SPTLC1: variants seen among roughly 807,000 people sequenced by gnomAD.
SPTLC1 encodes the protein serine palmitoyltransferase long chain base subunit 1.
Under a neutral mutation model 68.9 loss-of-function variants are expected in SPTLC1, and 55 were observed. The ratio of observed to expected loss-of-function variants is 0.80; its 90% CI spans 0.64 to 1.00. SPTLC1 has a LOEUF of 1.00. Among genes scored for constraint, SPTLC1 ranks in the 50% least tolerant of loss-of-function variants. SPTLC1 has a pLI of 0.00. For synonymous variants in SPTLC1, 197 were observed against 201.6 expected (o/e 0.98, Z 0.19); for missense variants, 449 against 573.1 (o/e 0.78, Z 2.21).
At position 92,045,950 on chromosome 9, in the gene SPTLC1, A is replaced by T. The variant is rs375552988; in HGVS notation, c.1136+49T>A. The T allele has an allele frequency of 3.3e-6, 5 of 1,521,546 alleles. No individual in the cohort carries two copies. In the African/African-American group the frequency reaches 4.1e-5, roughly 13 times the overall value. 94.3% of individuals were successfully genotyped at this position (1,521,546 alleles called of 1,614,324 possible). On this transcript the variant is annotated intron_variant, in intron 12 of 14. Transcript: ENST00000262554. ...ATTTAAAACTTTCCATTAGTTGTTA[A>T]GTGTGGTGCAGATAAACTTTATGTT... is the stretch of plus-strand genomic sequence containing the variant.
At chr9:92,103,573 G>A (rs1366174953) in intron 3 of SPTLC1, among the ~76,000 whole-genome samples, 3 of 152,212 alleles carry the variant, frequency 2.0e-5, no homozygotes, top group Non-Finnish European at 4.4e-5. Context: ...TGTAAAAAGC[G>A]GAGACCCTGC....
At chr9:92,034,713 G>T in intron 14 of SPTLC1, 97 bp downstream of exon 14, 1 of 922,854 alleles carries the variant, frequency 1.1e-6, no homozygotes, top group Non-Finnish European at 1.8e-6. Flanking sequence ...TTCTTCCATA[G>T]CCTATGATAG....
Position 92,047,294 on chromosome 9 carries a change from T to C in SPTLC1, c.985-26A>G, listed in dbSNP as rs370711768. On this transcript the variant is annotated intron_variant, in intron 10 of 14. Coordinates refer to ENST00000262554, the MANE Select transcript of SPTLC1 (RefSeq NM_006415.4). ...CTGAGAAGAAACAAATGAAGACATA[T>C]ACACATTCTCTGTCCTTTCTAGGTA... The C allele has an allele frequency of 1.7e-5, 27 of 1,581,006 alleles. No homozygotes were observed. The African/African-American group carries it at 3.7e-4, about 22-fold the overall frequency.
intron 3 of SPTLC1, chr9:92,105,231 G>A: frequency 6.5e-7 from 1 of 1,534,330 alleles, no homozygotes; most frequent in Non-Finnish European, 8.7e-7. Context: ...CAACTGAGGT[G>A]GGAGAGAGAT....
intron 3 of SPTLC1, among the ~76,000 whole-genome samples, chr9:92,084,299 A>AG (rs1351469775): frequency 1.3e-5 from 2 of 151,036 alleles, no homozygotes; most frequent in Non-Finnish European, 3.0e-5. Flanking sequence ...GTGGTGAGAG[A>AG]GGGCATCCCT....
At chr9:92,034,210 C>G (rs775202339) in intron 14 of SPTLC1, among the ~76,000 whole-genome samples, 7 of 152,254 alleles carry the variant, frequency 4.6e-5, no homozygotes, top group Non-Finnish European at 4.4e-5. Flanking sequence ...TGACCATGTC[C>G]ATGCCCCCTG....
chr9:92,105,931 T>C (rs1835959746), intron 3 of SPTLC1, among the ~76,000 whole-genome samples: 1 of 149,440 alleles, frequency 6.7e-6, no homozygotes, highest in African/African-American at 2.5e-5. Context: ...CTCCTCACCA[T>C]CTGGGAAATG....
At position 92,038,277 on chromosome 9, in the gene SPTLC1, C is replaced by T. The variant is rs1833213865; in HGVS notation, c.1225G>A (p.Val409Ile). 6.2e-7 allele frequency: 1 copy of T among 1,614,078 alleles called. No homozygotes were observed. The highest frequency in any genetic ancestry group is 8.5e-7 in the Non-Finnish European group (1 of 1,179,902). ...TCTACAATTTCCTGAAGCAGTCTGA[C>T]ATCTTGCTCGCGAGACCCAGTGCTC... ...EESTGSREQD[V>I]RLLQEIVDQC... The change falls in exon 13 of 15, where the codon GTC (valine) becomes ATC (isoleucine). Residue 409 changes from valine to isoleucine, a missense_variant. Physicochemically the swap from Val to Ile is conservative, Grantham distance 29. This residue lies in a region of SPTLC1 where 391 missense variants were observed against 472.1 expected (regional missense o/e 0.83). Transcript: ENST00000262554.
At chr9:92,038,153 CAA>C (rs1564080812) in intron 13 of SPTLC1, 93 bp downstream of exon 13, 7 of 864,510 alleles carry the variant, frequency 8.1e-6, no homozygotes, top group Non-Finnish European at 1.2e-5. Flanking sequence ...TCTCTCAGGG[CAA>C]AGAGACTTTT....
At chr9:92,108,712 A>G (rs1836101608) in intron 3 of SPTLC1, 28 bp downstream of exon 3, 1 of 1,579,174 alleles carries the variant, frequency 6.3e-7, no homozygotes, top group African/African-American at 1.4e-5. Context: ...GCCAAATACA[A>G]GTACTTCAGG....
At chr9:92,059,814 G>A (rs1362483681) in intron 6 of SPTLC1, among the ~76,000 whole-genome samples, 2 of 152,194 alleles carry the variant, frequency 1.3e-5, no homozygotes, top group African/African-American at 4.8e-5. Context: ...AGCAAAGGCT[G>A]AGAAGGGAAC....
At chr9:92,107,525 G>A (rs191957838) in intron 3 of SPTLC1, among the ~76,000 whole-genome samples, 278 of 152,320 alleles carry the variant, frequency 1.8e-3, no homozygotes, top group East Asian at 7.1e-3. Context: ...GGCCGAGGCC[G>A]GCGGATCACA....
intron 7 of SPTLC1, among the ~76,000 whole-genome samples, chr9:92,056,032 C>T (rs1833878039): frequency 6.6e-6 from 1 of 152,186 alleles, no homozygotes; most frequent in East Asian, 1.9e-4. Flanking sequence ...CAGGGGGCTT[C>T]ACTATACCAC....
chr9:92,049,971 A>C lies in SPTLC1; in HGVS notation c.877T>G (p.Tyr293Asp). ...AAAGGGGAACTTACATTGATTCCAT[A>C]GTGTTCAGTGACTCCTCGGCCATGC... ...GEHGRGVTEH[Y>D]GINIDDIDLI... is the part of the protein sequence containing the mutation. The change falls in exon 9 of 15, where the codon TAT becomes GAT. Residue 293 changes from tyrosine to aspartate, a missense_variant. This residue lies in a region of SPTLC1 where 391 missense variants were observed against 472.1 expected (regional missense o/e 0.83). Transcript: ENST00000262554. The C allele has an allele frequency of 6.2e-7, 1 of 1,607,238 alleles. No individual in the cohort carries two copies. Among genetic ancestry groups the C allele is most frequent in the Non-Finnish European group, 8.5e-7 (1 of 1,173,734 alleles).
In SPTLC1 at chr9:92,084,934, A is replaced by G. The variant is rs1361615271; in HGVS notation, c.261-3971T>C. Among the ~76,000 whole-genome samples the G allele has an allele frequency of 2.0e-5, 3 of 152,228 alleles. No homozygotes were observed. The East Asian group carries it at 5.8e-4, about 29-fold the overall frequency. On this transcript the variant is annotated intron_variant, in intron 3 of 14. Transcript: ENST00000262554. ...CAATTTCAGAGCTTGTTATTGGTCTATTCAGAGATTCAACTTCTTCCTGGT... is the reference window on the plus strand; with the variant it reads ...CAATTTCAGAGCTTGTTATTGGTCTGTTCAGAGATTCAACTTCTTCCTGGT...
intron 8 of SPTLC1, chr9:92,053,866 T>C (rs1833793054): frequency 1.3e-6 from 1 of 761,270 alleles, no homozygotes; most frequent in African/African-American, 1.9e-5. Context: ...GTAAATGTAA[T>C]AAATGTCACT....
chr9:92,087,333 T>A (rs899591901), intron 3 of SPTLC1, among the ~76,000 whole-genome samples: 3 of 152,210 alleles, frequency 2.0e-5, no homozygotes, highest in Admixed American at 6.5e-5. Flanking sequence ...TTTTTAGAGT[T>A]TCCAGTTTTT....
At position 92,103,594 on chromosome 9, in the gene SPTLC1, G is replaced by T. The variant is rs541447489; in HGVS notation, c.260+5146C>A. ...AAGCGGAGACCCTGCCTGCCAGGGAGGCATGTGGTAAGAGGCGCATCCAGT... is the reference window on the plus strand; with the variant it reads ...AAGCGGAGACCCTGCCTGCCAGGGATGCATGTGGTAAGAGGCGCATCCAGT... On this transcript the variant is annotated intron_variant, in intron 3 of 14. Transcript: ENST00000262554. 3.3e-5 allele frequency among the ~76,000 whole-genome samples: 5 copies of T among 152,322 alleles called. No homozygotes were observed. The East Asian group carries it at 7.7e-4, about 24-fold the overall frequency.
intron 6 of SPTLC1, among the ~76,000 whole-genome samples, chr9:92,065,767 T>A (rs1327831082): frequency 6.6e-6 from 1 of 152,194 alleles, no homozygotes; most frequent in Non-Finnish European, 1.5e-5. Context: ...CAAAAATTAA[T>A]AAAAATATTC....
Sources: allele counts gnomAD v4.1 joint callset (sites outside exome capture counted in the v4.1 genomes callset), GRCh38; gene constraint gnomAD v4.1.1; regional missense constraint gnomAD v4.1.1; transcripts MANE v1.5; gene names NCBI Gene and HGNC (gene_info 2026-07-23, HGNC 2026-07-21).